KIF26B: variants seen among roughly 807,000 people sequenced by gnomAD.
The protein encoded by KIF26B is kinesin family member 26B.
A neutral mutation model predicts 151.2 loss-of-function variants in KIF26B; 63 were observed. That is an observed-to-expected ratio of 0.42 (90% confidence interval 0.34 to 0.51). The LOEUF is 0.51. Ranked by LOEUF, KIF26B falls within the 20% of genes least tolerant of loss-of-function variation. The pLI, the probability that KIF26B is intolerant of heterozygous loss-of-function variation, is 0.07. For synonymous variants in KIF26B, 1,357 were observed against 1,262.1 expected, an observed-to-expected ratio of 1.08 and a Z score of -1.59; for missense variants, 2,813 against 2,913.6, an observed-to-expected ratio of 0.97 and a Z score of 0.79.
Position 245,311,601 on chromosome 1 carries a change from C to CTAAAA in KIF26B, c.466-55217_466-55213dup, listed in dbSNP as rs1253985426. Among the ~76,000 whole-genome samples the CTAAAA allele has an allele frequency of 2.6e-5, 4 of 151,844 alleles. No homozygotes were observed. In the East Asian group the frequency reaches 5.8e-4, roughly 22 times the overall value. Reference sequence around the variant, plus strand: ...TGGGTGACAGAGTGAGACCCTGTCTCTAAAATAAAATAAAATAAAAATAAT... The same window carrying CTAAAA: ...TGGGTGACAGAGTGAGACCCTGTCTCTAAAATAAAATAAAATAAAATAAAAATAAT... On this transcript the variant is annotated intron_variant, in intron 2 of 14. Transcript: ENST00000407071.
intron 2 of KIF26B, among the ~76,000 whole-genome samples, chr1:245,215,435 G>A (rs1412370715): frequency 6.6e-6 from 1 of 152,164 alleles, no homozygotes; most frequent in Non-Finnish European, 1.5e-5. Context: ...AGACCAGGGA[G>A]GCCACAGCTC....
At chr1:245,282,951 C>A in intron 2 of KIF26B, 1 of 315,994 alleles carries the variant, frequency 3.2e-6, no homozygotes, top group South Asian at 3.8e-5. Context: ...GTAGTAGCCA[C>A]CACCGAAGGC....
intron 10 of KIF26B, among the ~76,000 whole-genome samples, chr1:245,662,578 T>TAG (rs758919833): frequency 0.072 from 8,369 of 116,180 alleles, 437 homozygotes; most frequent in East Asian, 0.32. Context: ...ACCCTATATA[T>TAG]ATATACACCC....
At chr1:245,620,854 A>C (rs1185647868) in intron 9 of KIF26B, among the ~76,000 whole-genome samples, 2 of 152,234 alleles carry the variant, frequency 1.3e-5, no homozygotes, top group Non-Finnish European at 2.9e-5. Flanking sequence ...TTTAGGAGGA[A>C]ACACAGCTGA....
Position 245,685,800 on chromosome 1 carries a change from C to CG in KIF26B, c.2818dup (p.Glu940GlyfsTer37). The CG allele has an allele frequency of 6.2e-7, 1 of 1,609,422 alleles. No individual in the cohort carries two copies. Among genetic ancestry groups the CG allele is most frequent in the East Asian group, 2.2e-5 (1 of 44,740 alleles). The stretch of plus-strand genomic sequence containing the variant: ...AGAGGCTGGACTGCATCGACGGCAG[C>CG]GAGGAGCCCAGCAGCTTTCCTTTCG... On this transcript the variant is annotated frameshift_variant, in exon 12 of 15. Coordinates refer to ENST00000407071, the MANE Select transcript of KIF26B (RefSeq NM_018012.4). LOFTEE classifies it high-confidence loss of function.
chr1:245,679,433 G>C lies in KIF26B; in HGVS notation c.2259-4800G>C, dbSNP rs12691524. On this transcript the variant is annotated intron_variant, in intron 10 of 14. Coordinates refer to ENST00000407071, the MANE Select transcript of KIF26B (RefSeq NM_018012.4). ...AAGACATTTTTCTAAAAATCTGGGG[G>C]TTTTTTGTGTTTTTTTTGTGTGTGT... Among the ~76,000 whole-genome samples the C allele has an allele frequency of 2.2e-5, 3 of 136,344 alleles. No individual in the cohort carries two copies. In the East Asian group the frequency reaches 6.6e-4, roughly 30 times the overall value. 89.4% of individuals were successfully genotyped at this position (136,344 alleles called of 152,430 possible).
In KIF26B at chr1:245,658,989, C is replaced by T. The variant is rs545921054; in HGVS notation, c.2258+12709C>T. Among the ~76,000 whole-genome samples the T allele has an allele frequency of 5.9e-5, 9 of 152,090 alleles. 1 individual carries two copies. In the South Asian group the frequency reaches 1.9e-3, roughly 32 times the overall value. ...GCTCACACTTGTAATCCCAGCACTT[C>T]AGGAAGCCAAGGCAGGAGGATCACT... On this transcript the variant is annotated intron_variant, in intron 10 of 14. Coordinates refer to ENST00000407071, the MANE Select transcript of KIF26B (RefSeq NM_018012.4).
intron 2 of KIF26B, among the ~76,000 whole-genome samples, chr1:245,235,164 T>C (rs1670081677): frequency 1.3e-5 from 2 of 152,330 alleles, no homozygotes; most frequent in South Asian, 2.1e-4. Flanking sequence ...TATGTTAGAT[T>C]TGTATAAACT....
At position 245,367,050 on chromosome 1, in the gene KIF26B, C is replaced by T. The variant is rs186646111; in HGVS notation, c.682C>T (p.Pro228Ser). 48 of 1,609,544 alleles carry T rather than the reference C, an allele frequency of 3.0e-5. No individual in the cohort carries two copies. In the East Asian group the frequency reaches 1.0e-3, roughly 34 times the overall value. The change falls in exon 3 of 15, where the codon CCC becomes TCC. Residue 228 changes from proline to serine, a missense_variant. Pro to Ser is a moderately conservative substitution (Grantham distance 74, BLOSUM62 -1). Transcript: ENST00000407071. The surrounding 1 kb of genome is among the most constrained non-coding windows in gnomAD (Gnocchi z 4.2). ...PCSPPPLSNI[P>S]TLVGSRHVGG... is the part of the protein sequence containing the mutation. ...CTCCCCGCCACCGCTCTCCAACATC[C>T]CCACCCTGGTGGGGTCCCGGCACGT...
chr1:245,196,424 A>C (rs774808819), intron 2 of KIF26B, among the ~76,000 whole-genome samples: 5 of 152,108 alleles, frequency 3.3e-5, no homozygotes, highest in Non-Finnish European at 7.4e-5. Flanking sequence ...GATATCACTG[A>C]TCTGCTCAAA....
chr1:245,413,552 A>G (rs925759615), intron 3 of KIF26B, among the ~76,000 whole-genome samples: 3 of 152,152 alleles, frequency 2.0e-5, no homozygotes, highest in African/African-American at 7.2e-5. Flanking sequence ...AATCCCAGCT[A>G]CTCAGGAGGC....
At chr1:245,475,141 T>G (rs1354012883) in intron 4 of KIF26B, among the ~76,000 whole-genome samples, 2 of 151,870 alleles carry the variant, frequency 1.3e-5, no homozygotes, top group African/African-American at 4.8e-5. Flanking sequence ...CCGTATATCC[T>G]TATCACTCAC....
chr1:245,462,737 A>G (rs1173657), intron 4 of KIF26B, among the ~76,000 whole-genome samples: 39,843 of 152,080 alleles, frequency 0.26, 6,049 homozygotes, highest in Admixed American at 0.33. Context: ...CAGAATATGA[A>G]GTTAGTTGCC....
intron 4 of KIF26B, among the ~76,000 whole-genome samples, chr1:245,456,357 T>C (rs914112356): frequency 2.0e-5 from 3 of 152,248 alleles, no homozygotes; most frequent in African/African-American, 7.2e-5. Flanking sequence ...TCTGCGTTTA[T>C]TTCCTTAGTA....
rs377123463 is a variant in KIF26B, at chr1:245,588,151, G to A, written c.1351-14426G>A. ...AATACGGCATATACTTTAATTTGGT[G>A]AGGCTTTTTGTTTAATGCTTATGAT... On this transcript the variant is annotated intron_variant, in intron 5 of 14. Transcript: ENST00000407071. Among the ~76,000 whole-genome samples the A allele has an allele frequency of 1.0e-3, 153 of 152,292 alleles. 2 individuals are homozygous for A. In the South Asian group the frequency reaches 0.029, roughly 29 times the overall value.
intron 14 of KIF26B, among the ~76,000 whole-genome samples, chr1:245,701,106 G>A (rs1307565444): frequency 6.6e-6 from 1 of 152,198 alleles, no homozygotes; most frequent in Admixed American, 6.5e-5. Flanking sequence ...ATGCTTCCAG[G>A]AAACAATTGC....
chr1:245,695,218 C>T (rs763319491), intron 12 of KIF26B, among the ~76,000 whole-genome samples: 4 of 152,296 alleles, frequency 2.6e-5, no homozygotes, highest in Middle Eastern at 3.4e-3. Flanking sequence ...ACCCTCGGGT[C>T]AGTCTTTCTT....
intron 3 of KIF26B, among the ~76,000 whole-genome samples, chr1:245,382,149 T>G (rs751824579): frequency 6.6e-6 from 1 of 152,130 alleles, no homozygotes. Flanking sequence ...CACCATACTG[T>G]TTTCCATAGT....
intron 9 of KIF26B, among the ~76,000 whole-genome samples, chr1:245,636,746 G>A (rs758524343): frequency 1.7e-4 from 26 of 151,822 alleles, no homozygotes; most frequent in Non-Finnish European, 3.4e-4. Context: ...TGACAACATG[G>A]GATATTTGTC....
Sources: gnomAD v4.1 joint callset for allele counts (sites outside exome capture counted in the v4.1 genomes callset) on GRCh38, gnomAD v4.1.1 for gene constraint, Gnocchi (gnomAD v3.1) non-coding constraint, MANE v1.5 for transcripts, NCBI Gene and HGNC (gene_info 2026-07-23, HGNC 2026-07-21) for gene names.